ZNF420: variants seen among roughly 807,000 people sequenced by gnomAD.
ZNF420 encodes the protein zinc finger protein 420.
In ZNF420, 31 loss-of-function variants were observed where a neutral mutation model predicts 44.7. That is an observed-to-expected ratio of 0.69 (90% CI 0.52 to 0.94). ZNF420 has a LOEUF of 0.94. Among genes scored for constraint, ZNF420 ranks in the 40% least tolerant of loss-of-function variants. The pLI, the probability that ZNF420 is intolerant of heterozygous loss-of-function variation, is 0.00. For synonymous variants in ZNF420, 245 were observed against 267.4 expected, an observed-to-expected ratio of 0.92 and a Z score of 0.82; for missense variants, 681 against 827.9, an observed-to-expected ratio of 0.82 and a Z score of 2.18.
chr19:37,041,483 A>C (rs1967452027), intron 1 of ZNF420, among the ~76,000 whole-genome samples: 1 of 151,888 alleles, frequency 6.6e-6, no homozygotes, highest in Admixed American at 6.6e-5. Flanking sequence ...GGAAGTACTT[A>C]AAACTTCTTA....
At chr19:37,022,044 T>A (rs2074654181) in intron 1 of ZNF420, among the ~76,000 whole-genome samples, 1 of 151,544 alleles carries the variant, frequency 6.6e-6, no homozygotes, top group Non-Finnish European at 1.5e-5. Context: ...AATAGGAAAT[T>A]ATTACTAATT....
chr19:37,098,241 C>T (rs1181871642), intron 4 of ZNF420, among the ~76,000 whole-genome samples: 1 of 152,136 alleles, frequency 6.6e-6, no homozygotes, highest in African/African-American at 2.4e-5. Context: ...TATAAGCCAC[C>T]ACACCCGGCC....
intron 1 of ZNF420, among the ~76,000 whole-genome samples, chr19:37,014,615 T>G (rs1373859273): frequency 2.6e-5 from 4 of 152,188 alleles, no homozygotes; most frequent in Non-Finnish European, 4.4e-5. Context: ...AGCATTTTCC[T>G]GGGGCTGCCG....
intron 2 of ZNF420, among the ~76,000 whole-genome samples, chr19:37,083,606 G>A (rs1002243890): frequency 2.6e-5 from 4 of 152,140 alleles, no homozygotes; most frequent in Non-Finnish European, 5.9e-5. Flanking sequence ...TATGGCAAGT[G>A]GAAGGTTTAC....
intron 1 of ZNF420, among the ~76,000 whole-genome samples, chr19:37,034,556 T>C (rs1967320104): frequency 6.6e-6 from 1 of 152,230 alleles, no homozygotes; most frequent in Non-Finnish European, 1.5e-5. Context: ...CAGCTTTTAG[T>C]TTACAGTTAT....
intron 1 of ZNF420, among the ~76,000 whole-genome samples, chr19:37,033,823 C>T (rs1967305662): frequency 6.6e-6 from 1 of 152,162 alleles, no homozygotes; most frequent in East Asian, 1.9e-4. Flanking sequence ...GTGGCATGAT[C>T]TCAGCTCACT....
At chr19:37,104,248 T>C (rs1969952303) in intron 4 of ZNF420, among the ~76,000 whole-genome samples, 1 of 152,046 alleles carries the variant, frequency 6.6e-6, no homozygotes, top group Admixed American at 6.6e-5. Flanking sequence ...TTTGTTTTTT[T>C]GTCCTTGAGA....
chr19:37,100,049 C>T (rs1163405245), intron 4 of ZNF420, among the ~76,000 whole-genome samples: 1 of 152,158 alleles, frequency 6.6e-6, no homozygotes, highest in Non-Finnish European at 1.5e-5. Flanking sequence ...TTGCCCAGAT[C>T]AGTGTCTGTT....
At chr19:37,036,539 A>T (rs1278561551) in intron 1 of ZNF420, among the ~76,000 whole-genome samples, 4 of 152,150 alleles carry the variant, frequency 2.6e-5, no homozygotes, top group African/African-American at 9.7e-5. Flanking sequence ...CCACCCCTTC[A>T]GGTAATAATC....
intron 4 of ZNF420, among the ~76,000 whole-genome samples, chr19:37,095,651 T>C (rs541899449): frequency 5.1e-4 from 77 of 152,340 alleles, no homozygotes; most frequent in Non-Finnish European, 8.8e-4. Context: ...CAGGCTGTAG[T>C]GCAGTGGCGC....
chr19:37,100,253 G>A (rs912746008), intron 4 of ZNF420, among the ~76,000 whole-genome samples: 3 of 152,116 alleles, frequency 2.0e-5, no homozygotes, highest in Admixed American at 6.6e-5. Context: ...TTGAAAATCA[G>A]TTGGCTGCAA....
intron 1 of ZNF420, among the ~76,000 whole-genome samples, chr19:37,016,767 C>T (rs548183992): frequency 6.6e-6 from 1 of 152,206 alleles, no homozygotes. Flanking sequence ...CATGACGCTA[C>T]TGGGACCCCT....
At chr19:37,121,553 A>C (rs2145303401) in intron 4 of ZNF420, among the ~76,000 whole-genome samples, 1 of 152,298 alleles carries the variant, frequency 6.6e-6, no homozygotes, top group East Asian at 1.9e-4. Flanking sequence ...ACCATTCAGG[A>C]CATAGGCATG....
At chr19:37,008,533 A>T (rs1261479938) in intron 1 of ZNF420, among the ~76,000 whole-genome samples, 2 of 152,156 alleles carry the variant, frequency 1.3e-5, no homozygotes, top group Non-Finnish European at 2.9e-5. Flanking sequence ...GCATCAGAAG[A>T]GCTCATTGTC....
At chr19:37,124,489 ATGT>A (rs1035873566) in intron 4 of ZNF420, among the ~76,000 whole-genome samples, 1 of 152,162 alleles carries the variant, frequency 6.6e-6, no homozygotes, top group Admixed American at 6.5e-5. Flanking sequence ...CATATGCTAA[ATGT>A]ATGTTTAACA....
rs1163346374 is a variant in ZNF420 at position 37,121,192 on chromosome 19, G to A, written c.137-5936G>A. Among the ~76,000 whole-genome samples the A allele has an allele frequency of 1.4e-4, 20 of 146,606 alleles. 1 individual carries two copies. In the Admixed American group the frequency reaches 1.4e-3, roughly 10 times the overall value. On this transcript the variant is annotated intron_variant, in intron 4 of 4. Transcript: ENST00000337995. Reference sequence around the variant, plus strand: ...GTCAATCCTAAGCCAAAAGAACAAAGCTGGAGGCATCATGCTACCTGACCT... The same window carrying A: ...GTCAATCCTAAGCCAAAAGAACAAAACTGGAGGCATCATGCTACCTGACCT...
At chr19:37,025,735 T>C (rs1967144218) in intron 1 of ZNF420, among the ~76,000 whole-genome samples, 1 of 151,268 alleles carries the variant, frequency 6.6e-6, no homozygotes, top group African/African-American at 2.4e-5. Context: ...TTTACCAGGA[T>C]ACCACTTAAT....
intron 1 of ZNF420, among the ~76,000 whole-genome samples, chr19:37,041,819 G>C (rs1967457524): frequency 6.6e-6 from 1 of 152,008 alleles, no homozygotes; most frequent in South Asian, 2.1e-4. Context: ...TATTACTCCT[G>C]TAGACACATA....
At chr19:37,064,219 G>A (rs972244952) in intron 1 of ZNF420, among the ~76,000 whole-genome samples, 14 of 151,876 alleles carry the variant, frequency 9.2e-5, no homozygotes, top group African/African-American at 2.9e-4. Flanking sequence ...TTTTTCCTTT[G>A]TAATTAGTAA....
Sources: allele counts gnomAD v4.1 joint callset (sites outside exome capture counted in the v4.1 genomes callset), GRCh38; gene constraint gnomAD v4.1.1; transcripts MANE v1.5; gene names NCBI Gene and HGNC (gene_info 2026-07-23, HGNC 2026-07-21).